Variants in EFHD1 observed in about 807,000 individuals in gnomAD.
The protein encoded by EFHD1 is EF-hand domain-containing protein D1.
Under a neutral mutation model 17.2 loss-of-function variants are expected in EFHD1, and 10 were observed. The observed-to-expected ratio is 0.58, with a 90% confidence interval of 0.36 to 0.99. The LOEUF (loss-of-function observed/expected upper bound fraction) is 0.99, where lower values mean the gene tolerates loss of function less well. Ranked by LOEUF, EFHD1 falls within the 50% of genes least tolerant of loss-of-function variation. The pLI is 0.01. For missense variants in EFHD1, 310 were observed against 327.5 expected (o/e 0.95, Z 0.41); for synonymous variants, 153 against 142.0 (o/e 1.08, Z -0.55).
At chr2:232,659,888 A>C (rs776231397) in intron 1 of EFHD1, among the ~76,000 whole-genome samples, 11 of 152,194 alleles carry the variant, frequency 7.2e-5, no homozygotes, top group Non-Finnish European at 1.5e-4. Context: ...AGTACTTCAC[A>C]TGGCCGGAAC....
chr2:232,672,683 G>A (rs912714021), intron 3 of EFHD1, among the ~76,000 whole-genome samples: 1 of 152,174 alleles, frequency 6.6e-6, no homozygotes, highest in Admixed American at 6.6e-5. Context: ...TGATGGAGGG[G>A]TGACAATAGA....
At chr2:232,656,583 A>G (rs1342032222) in intron 1 of EFHD1, among the ~76,000 whole-genome samples, 1 of 151,910 alleles carries the variant, frequency 6.6e-6, no homozygotes, top group Non-Finnish European at 1.5e-5. Flanking sequence ...CCACAGGCAC[A>G]TGCCACTATG....
intron 1 of EFHD1, among the ~76,000 whole-genome samples, chr2:232,658,123 G>A (rs1323215623): frequency 2.0e-5 from 3 of 151,628 alleles, no homozygotes; most frequent in Non-Finnish European, 4.4e-5. Context: ...GGCTGGTCTC[G>A]AACTCCTGAC....
intron 2 of EFHD1, among the ~76,000 whole-genome samples, chr2:232,671,014 T>C (rs143134370): frequency 1.8e-4 from 28 of 152,354 alleles, no homozygotes; most frequent in African/African-American, 6.3e-4. Flanking sequence ...ACTAGGATGC[T>C]GCTAATTTTT....
intron 1 of EFHD1, among the ~76,000 whole-genome samples, chr2:232,658,030 A>G (rs542847554): frequency 5.2e-4 from 77 of 148,280 alleles, no homozygotes; most frequent in Admixed American, 1.3e-3. Context: ...CCTCCTGAGT[A>G]GCTGAGATTA....
At chr2:232,635,564 A>C (rs1197269498) in intron 1 of EFHD1, among the ~76,000 whole-genome samples, 1 of 152,196 alleles carries the variant, frequency 6.6e-6, no homozygotes, top group Non-Finnish European at 1.5e-5. Context: ...TACGGCTGTA[A>C]TCCCAGCACT....
chr2:232,629,086 C>G (rs1361055418), upstream of EFHD1, among the ~76,000 whole-genome samples: 1 of 152,202 alleles, frequency 6.6e-6, no homozygotes, highest in Non-Finnish European at 1.5e-5. Context: ...TGCCTCCAGC[C>G]TTAGCACAGC....
intron 3 of EFHD1, 47 bp from the exon 4 acceptor site, chr2:232,681,538 T>A: frequency 3.8e-6 from 6 of 1,595,234 alleles, no homozygotes; most frequent in Non-Finnish European, 5.1e-6. Context: ...TCCAGGGTCC[T>A]CTGCCCTCCC....
At chr2:232,646,982 C>T (rs1013189199) in intron 1 of EFHD1, among the ~76,000 whole-genome samples, 3 of 152,234 alleles carry the variant, frequency 2.0e-5, no homozygotes, top group African/African-American at 7.2e-5. Flanking sequence ...CTTCACAGCT[C>T]CCTGCGGCCA....
In EFHD1 at chr2:232,661,121, C is replaced by G. The variant is rs192174654; in HGVS notation, c.303-1681C>G. 3.0e-3 allele frequency among the ~76,000 whole-genome samples: 460 copies of G among 151,422 alleles called. 4 individuals are homozygous for G. Among genetic ancestry groups the G allele is most frequent in the African/African-American group, 0.011 (445 of 41,356 alleles). ...AGAGATCGTGCAGCTTCACTCCAGC[C>G]TGAGTGAAAGAACATGACTCTGTCT... On this transcript the variant is annotated intron_variant, in intron 1 of 3. Coordinates refer to ENST00000264059, the MANE Select transcript of EFHD1 (RefSeq NM_025202.4).
At chr2:232,648,598 C>G (rs540075528) in intron 1 of EFHD1, among the ~76,000 whole-genome samples, 112 of 152,172 alleles carry the variant, frequency 7.4e-4, no homozygotes, top group African/African-American at 2.7e-3. Context: ...ATAGGGTAAC[C>G]CCAGGAGGGC....
chr2:232,610,434 G>T (rs886889989), intron 1 of EFHD1, among the ~76,000 whole-genome samples: 2 of 152,240 alleles, frequency 1.3e-5, no homozygotes, highest in Non-Finnish European at 2.9e-5. Flanking sequence ...AATTCGCCAG[G>T]TGTGGTGGCA....
At chr2:232,641,939 T>C (rs995927371) in intron 1 of EFHD1, among the ~76,000 whole-genome samples, 15 of 152,188 alleles carry the variant, frequency 9.9e-5, no homozygotes, top group African/African-American at 3.6e-4. Flanking sequence ...AGGACCTGCA[T>C]CTGCTTCTTC....
At position 232,682,606 on chromosome 2, in the gene EFHD1, G is replaced by C. The variant is rs1309135791; in HGVS notation, c.*887G>C. 1.3e-5 allele frequency: 2 copies of C among 152,158 alleles called. No homozygotes were observed. The highest frequency in any genetic ancestry group is 2.9e-5 in the Non-Finnish European group (2 of 68,036). The allele number at this position is 152,158 out of a possible 1,614,324, so 9.4% of individuals were successfully genotyped here. ...CACCATTAGCCAGTTTCTAACATCT[G>C]TTTCAGGGTATCCAGCTGTAGATGT... is the stretch of plus-strand genomic sequence containing the variant. On this transcript the variant is annotated 3_prime_UTR_variant, in exon 4 of 4. Transcript: ENST00000264059.
chr2:232,672,189 C>A, intron 2 of EFHD1, 120 bp from the exon 3 acceptor site: 1 of 1,357,364 alleles, frequency 7.4e-7, no homozygotes, highest in Non-Finnish European at 1.0e-6. Context: ...TAATTTGCCA[C>A]ATGCATACAT....
chr2:232,606,719 TAAA>T (rs34085504), intron 1 of EFHD1: 12 of 101,808 alleles, frequency 1.2e-4, no homozygotes, highest in Admixed American at 5.1e-4. Flanking sequence ...CCGTCTCTAC[TAAA>T]AAAAAAAAAA....
chr2:232,615,595 C>T lies in EFHD1; in HGVS notation c.14+9422C>T, dbSNP rs79608812. Among the ~76,000 whole-genome samples, 231 of 151,678 alleles carry T rather than the reference C, an allele frequency of 1.5e-3. 2 individuals are homozygous for T. The East Asian group carries it at 0.02, about 13-fold the overall frequency. On this transcript the variant is annotated intron_variant, in intron 1 of 3. Coordinates refer to the EFHD1 transcript ENST00000409613. ...CTGCATGCTCTGAGAGTCTGCAGGA[C>T]GCCTGACCTTTGAAGGAAGGCTTTG...
chr2:232,681,945 C>G lies in EFHD1; in HGVS notation c.*226C>G. Reference sequence around the variant, plus strand: ...TGCCCACCTCTGTCTCCTGCCTCTGCTCCTCTGCCCTTCTTATAGCCAGAA... The same window carrying G: ...TGCCCACCTCTGTCTCCTGCCTCTGGTCCTCTGCCCTTCTTATAGCCAGAA... On this transcript the variant is annotated 3_prime_UTR_variant, in exon 4 of 4. Coordinates refer to ENST00000264059, the MANE Select transcript of EFHD1 (RefSeq NM_025202.4). 1 of 528,018 alleles carries G rather than the reference C, an allele frequency of 1.9e-6. No individual in the cohort carries two copies. Among genetic ancestry groups the G allele is most frequent in the South Asian group, 2.9e-5 (1 of 33,990 alleles). The allele number at this position is 528,018 out of a possible 1,614,324, so 32.7% of individuals were successfully genotyped here.
upstream of EFHD1, among the ~76,000 whole-genome samples, chr2:232,629,463 A>C (rs1559340851): frequency 6.6e-6 from 1 of 152,124 alleles, no homozygotes. Context: ...CAGAAAAATG[A>C]GATTTTCTTT....
Sources: allele counts gnomAD v4.1 joint callset (sites outside exome capture counted in the v4.1 genomes callset), GRCh38; gene constraint gnomAD v4.1.1; transcripts MANE v1.5; gene names NCBI Gene and HGNC (gene_info 2026-07-23, HGNC 2026-07-21).